Variants in HNRNPC observed in about 807,000 individuals in gnomAD.
The protein encoded by HNRNPC is heterogeneous nuclear ribonucleoprotein C, also known as heterogeneous nuclear ribonucleoproteins C1/C2.
Under a neutral mutation model 33.2 loss-of-function variants are expected in HNRNPC, and 3 were observed. The observed-to-expected ratio is 0.09, with a 90% confidence interval of 0.04 to 0.23. The LOEUF is 0.23. HNRNPC is among the 10% of genes least tolerant of loss of function. The pLI, the probability that HNRNPC is intolerant of heterozygous loss-of-function variation, is 1.00. For missense variants in HNRNPC, 143 were observed against 366.7 expected (o/e 0.39, Z 4.98); for synonymous variants, 121 against 126.7 (o/e 0.96, Z 0.30).
chr14:21,232,389 AT>A (rs1037460389), intron 3 of HNRNPC, among the ~76,000 whole-genome samples: 5 of 151,966 alleles, frequency 3.3e-5, no homozygotes, highest in African/African-American at 4.8e-5. Context: ...GAGTGTGGGT[AT>A]TTTTTTAGAC....
intron 2 of HNRNPC, among the ~76,000 whole-genome samples, chr14:21,238,023 G>A (rs1489700995): frequency 6.6e-6 from 1 of 151,956 alleles, no homozygotes; most frequent in Non-Finnish European, 1.5e-5. Context: ...CGCCTGCCTC[G>A]GCCTCCCAAA....
chr14:21,248,835 T>C (rs188691487), intron 2 of HNRNPC, among the ~76,000 whole-genome samples: 3 of 152,338 alleles, frequency 2.0e-5, no homozygotes, highest in Non-Finnish European at 4.4e-5. Context: ...TGCGTGTTTT[T>C]TGACTCAGTA....
At chr14:21,218,965 C>A (rs182614843) in intron 5 of HNRNPC, among the ~76,000 whole-genome samples, 164 of 151,732 alleles carry the variant, frequency 1.1e-3, no homozygotes, top group South Asian at 1.0e-3. Context: ...CAAATATTAG[C>A]TGGGCATGGT....
At chr14:21,227,903 A>C (rs547845954) in intron 5 of HNRNPC, among the ~76,000 whole-genome samples, 39 of 152,354 alleles carry the variant, frequency 2.6e-4, no homozygotes, top group African/African-American at 9.1e-4. Context: ...ACTGGTCTGA[A>C]TTGAGCCATG....
chr14:21,260,006 C>T (rs190672982), intron 2 of HNRNPC, among the ~76,000 whole-genome samples: 2 of 149,484 alleles, frequency 1.3e-5, no homozygotes, highest in East Asian at 1.9e-4. Context: ...GAGACCATCC[C>T]GGCTAAAACG....
At chr14:21,220,683 T>TA (rs893271391) in intron 5 of HNRNPC, among the ~76,000 whole-genome samples, 2 of 152,218 alleles carry the variant, frequency 1.3e-5, no homozygotes, top group African/African-American at 4.8e-5. Flanking sequence ...AACCGAACCC[T>TA]ATCTATGTAA....
At chr14:21,225,808 T>A (rs1395217067) in intron 5 of HNRNPC, among the ~76,000 whole-genome samples, 1 of 152,150 alleles carries the variant, frequency 6.6e-6, no homozygotes, top group Non-Finnish European at 1.5e-5. Context: ...TTTTATTAGT[T>A]CTGCAATATC....
In HNRNPC at chr14:21,261,717, G is replaced by A. The variant is rs577416715; in HGVS notation, c.-37+1594C>T. ...TCAAGACCAGCCTAGACAACATAGC[G>A]AGACCCTGTCTCTACAAAAAATAGA... is the stretch of plus-strand genomic sequence containing the variant. On this transcript the variant is annotated intron_variant, in intron 2 of 8. Transcript: ENST00000553300. Among the ~76,000 whole-genome samples, 4 of 152,114 alleles carry A rather than the reference G, an allele frequency of 2.6e-5. No individual in the cohort carries two copies. The East Asian group carries it at 7.7e-4, about 29-fold the overall frequency.
At chr14:21,215,896 C>G (rs59711203) in intron 5 of HNRNPC, among the ~76,000 whole-genome samples, 1 of 100,884 alleles carries the variant, frequency 9.9e-6, no homozygotes, top group African/African-American at 4.8e-5. Flanking sequence ...AAGACTCCGT[C>G]TTAAAAAAAA....
chr14:21,256,879 CCT>C (rs920984132), intron 2 of HNRNPC, among the ~76,000 whole-genome samples: 14 of 152,078 alleles, frequency 9.2e-5, no homozygotes, highest in African/African-American at 3.4e-4. Flanking sequence ...GTCTCAAACC[CCT>C]GAGCTCAAGC....
intron 5 of HNRNPC, among the ~76,000 whole-genome samples, chr14:21,220,831 T>TG (rs1555351766): frequency 6.8e-6 from 1 of 147,694 alleles, no homozygotes; most frequent in Non-Finnish European, 1.5e-5. Flanking sequence ...GGTATTTATT[T>TG]AAAAAAAAAA....
At chr14:21,231,202 T>C (rs992431546) in intron 3 of HNRNPC, 130 bp from the exon 4 acceptor site, 27 of 866,462 alleles carry the variant, frequency 3.1e-5, no homozygotes, top group Admixed American at 1.7e-4. Context: ...TGGTGTCACC[T>C]TGGCTCACTG....
chr14:21,229,360 G>C (rs1333903359), intron 5 of HNRNPC, among the ~76,000 whole-genome samples: 3 of 98,876 alleles, frequency 3.0e-5, no homozygotes, highest in Admixed American at 1.2e-4. Flanking sequence ...GACAGAGCGA[G>C]ACTGTCTCAA....
At chr14:21,217,125 A>C (rs1482701469) in intron 5 of HNRNPC, among the ~76,000 whole-genome samples, 4 of 152,234 alleles carry the variant, frequency 2.6e-5, no homozygotes, top group Admixed American at 2.0e-4. Flanking sequence ...TTTAGTTACA[A>C]AGAATGCTGC....
At position 21,217,198 on chromosome 14, in the gene HNRNPC, A is replaced by G. The variant is rs1187883237; in HGVS notation, c.366-4081T>C. Among the ~76,000 whole-genome samples, 3 of 152,246 alleles carry G rather than the reference A, an allele frequency of 2.0e-5. No individual in the cohort carries two copies. In the East Asian group the frequency reaches 5.8e-4, roughly 29 times the overall value. On this transcript the variant is annotated intron_variant, in intron 5 of 8. Transcript: ENST00000553300. ...TAGTCCTTGCCTCAAAATGTTCGTA[A>G]CATAGTTGGAATTCTTGATTTTGTG...
chr14:21,242,777 C>T (rs1016789667), intron 2 of HNRNPC, among the ~76,000 whole-genome samples: 28 of 152,216 alleles, frequency 1.8e-4, no homozygotes, highest in African/African-American at 4.6e-4. Context: ...TTATCACCTA[C>T]GCATTATTCT....
intron 2 of HNRNPC, among the ~76,000 whole-genome samples, chr14:21,250,867 T>G (rs1896573223): frequency 6.6e-6 from 1 of 152,030 alleles, no homozygotes; most frequent in South Asian, 2.1e-4. Context: ...ACCACTGGGG[T>G]AGGGTGAGAC....
At chr14:21,261,354 A>T (rs569195520) in intron 2 of HNRNPC, among the ~76,000 whole-genome samples, 2 of 152,360 alleles carry the variant, frequency 1.3e-5, no homozygotes, top group East Asian at 3.9e-4. Context: ...GTACACTGAC[A>T]GCAGCAAAGA....
At chr14:21,262,009 T>C (rs1178785048) in intron 2 of HNRNPC, among the ~76,000 whole-genome samples, 1 of 152,168 alleles carries the variant, frequency 6.6e-6, no homozygotes, top group African/African-American at 2.4e-5. Context: ...TCTAGCTGGG[T>C]CTTGAGTCAC....
Sources: allele counts gnomAD v4.1 joint callset (sites outside exome capture counted in the v4.1 genomes callset), GRCh38; gene constraint gnomAD v4.1.1; transcripts MANE v1.5; gene names NCBI Gene and HGNC (gene_info 2026-07-23, HGNC 2026-07-21).